Variants in ANKRD36B observed in about 807,000 individuals in gnomAD.
ANKRD36B encodes the protein ankyrin repeat domain 36B.
A neutral mutation model predicts 135.7 loss-of-function variants in ANKRD36B; 37 were observed. The ratio of observed to expected loss-of-function variants is 0.27; its 90% CI spans 0.21 to 0.36. The LOEUF (loss-of-function observed/expected upper bound fraction) is 0.36. Ranked by LOEUF, ANKRD36B falls within the 10% of genes least tolerant of loss-of-function variation. The pLI is 1.00. For synonymous variants in ANKRD36B, 179 were observed against 348.1 expected (o/e 0.51, Z 5.41); for missense variants, 549 against 1,037.1 (o/e 0.53, Z 6.46).
At chr2:97,568,804 A>G (rs1250819360) in intron 6 of ANKRD36B, among the ~76,000 whole-genome samples, 1 of 152,164 alleles carries the variant, frequency 6.6e-6, no homozygotes, top group Non-Finnish European at 1.5e-5. Context: ...AACAACAACA[A>G]CAACAACAAA....
intron 1 of ANKRD36B, among the ~76,000 whole-genome samples, chr2:97,586,511 G>A (rs1339865913): frequency 6.6e-6 from 1 of 152,108 alleles, no homozygotes; most frequent in African/African-American, 2.4e-5. Context: ...GTTGTTAAGG[G>A]TGGAAGAGTC....
intron 29 of ANKRD36B, 41 bp from the exon 30 acceptor site, chr2:97,540,147 T>C: frequency 3.2e-6 from 3 of 944,928 alleles, no homozygotes; most frequent in Non-Finnish European, 4.8e-6. Flanking sequence ...AAATAAAGTA[T>C]GTTTCATAGA....
Position 97,534,125 on chromosome 2 carries a change from T to C in ANKRD36B, c.2192-1741A>G, listed in dbSNP as rs1576859444. Among the ~76,000 whole-genome samples, 2 of 95,256 alleles carry C rather than the reference T, an allele frequency of 2.1e-5. 1 individual carries two copies. The highest frequency in any genetic ancestry group is 4.7e-4 in the South Asian group (2 of 4,232). 62.5% of individuals were successfully genotyped at this position (95,256 alleles called of 152,430 possible). A position where few individuals can be genotyped will look rare whatever the true frequency, so the allele number is the denominator to read the frequency against. On this transcript the variant is annotated intron_variant, in intron 34 of 43. Transcript: ENST00000359901. ...AATTGTCAAAAATGAAAAAATTAAATTTCCACAGACATTAATAACATTTTA... is the reference window on the plus strand; with the variant it reads ...AATTGTCAAAAATGAAAAAATTAAACTTCCACAGACATTAATAACATTTTA...
At chr2:97,546,626 T>C (rs1248232547) in intron 22 of ANKRD36B, among the ~76,000 whole-genome samples, 8 of 151,876 alleles carry the variant, frequency 5.3e-5, no homozygotes, top group African/African-American at 1.7e-4. Context: ...TAATCAGTTT[T>C]TCATTCAGAA....
At chr2:97,558,015 C>T (rs2080683391) in intron 10 of ANKRD36B, among the ~76,000 whole-genome samples, 1 of 151,836 alleles carries the variant, frequency 6.6e-6, no homozygotes, top group Admixed American at 6.6e-5. Flanking sequence ...ATGTTATTCT[C>T]TAAAGCATTT....
chr2:97,526,426 C>A (rs1187949740), intron 35 of ANKRD36B, among the ~76,000 whole-genome samples: 1 of 96,092 alleles, frequency 1.0e-5, no homozygotes, highest in Non-Finnish European at 2.8e-5. Flanking sequence ...TCAAAGACCA[C>A]AAGTAGATAA....
intron 1 of ANKRD36B, among the ~76,000 whole-genome samples, chr2:97,585,955 TCTC>T (rs2082950046): frequency 6.6e-6 from 1 of 152,212 alleles, no homozygotes; most frequent in South Asian, 2.1e-4. Context: ...TATATTAACA[TCTC>T]CTGACATTGG....
chr2:97,526,951 G>A (rs572305200), intron 35 of ANKRD36B, among the ~76,000 whole-genome samples: 1 of 96,710 alleles, frequency 1.0e-5, no homozygotes, highest in African/African-American at 3.1e-5. Context: ...AAGTCACGGG[G>A]AGAATGGAAC....
intron 6 of ANKRD36B, among the ~76,000 whole-genome samples, chr2:97,568,142 G>A: frequency 6.6e-6 from 1 of 151,548 alleles, no homozygotes; most frequent in Non-Finnish European, 1.5e-5. Context: ...TTTTATTATA[G>A]ATATATATGT....
At chr2:97,535,304 G>C (rs78732343) in intron 34 of ANKRD36B, among the ~76,000 whole-genome samples, 47,768 of 97,216 alleles carry the variant, frequency 0.49, 20,003 homozygotes, top group African/African-American at 0.86. Context: ...TACATTTTAG[G>C]ATTACTGAGG....
intron 4 of ANKRD36B, 129 bp from the exon 5 acceptor site, chr2:97,579,172 T>C (rs908264003): frequency 3.1e-5 from 37 of 1,199,208 alleles, no homozygotes; most frequent in South Asian, 1.5e-4. Flanking sequence ...GAAACAAGCA[T>C]CTTGGGTGCT....
intron 1 of ANKRD36B, among the ~76,000 whole-genome samples, chr2:97,588,294 C>T (rs2083167907): frequency 6.6e-6 from 1 of 151,940 alleles, no homozygotes; most frequent in Non-Finnish European, 1.5e-5. Context: ...TATGAAATGT[C>T]ACCATTATCC....
intron 2 of ANKRD36B, 28 bp downstream of exon 2, chr2:97,585,256 C>T (rs2082897837): frequency 1.3e-6 from 2 of 1,583,432 alleles, no homozygotes; most frequent in South Asian, 1.1e-5. Flanking sequence ...AAATCCATCT[C>T]ATGCTCAAAG....
intron 6 of ANKRD36B, among the ~76,000 whole-genome samples, chr2:97,561,142 G>C (rs940423148): frequency 7.9e-5 from 12 of 151,838 alleles, no homozygotes; most frequent in South Asian, 6.2e-4. Context: ...TATCAATGTG[G>C]ATATGCTGAG....
intron 3 of ANKRD36B, among the ~76,000 whole-genome samples, chr2:97,581,698 A>C (rs1206931975): frequency 6.6e-6 from 1 of 152,206 alleles, no homozygotes; most frequent in Non-Finnish European, 1.5e-5. Flanking sequence ...AATATCAATC[A>C]GAAATAAAAA....
At chr2:97,569,364 A>G (rs1436902413) in intron 6 of ANKRD36B, among the ~76,000 whole-genome samples, 1 of 152,218 alleles carries the variant, frequency 6.6e-6, no homozygotes, top group African/African-American at 2.4e-5. Flanking sequence ...ACTATGCTGG[A>G]CATATCAAAA....
intron 6 of ANKRD36B, among the ~76,000 whole-genome samples, chr2:97,562,525 ACTTCTG>A (rs1334386105): frequency 6.6e-6 from 1 of 151,976 alleles, no homozygotes; most frequent in African/African-American, 2.4e-5. Context: ...CATCCTTGTA[ACTTCTG>A]CTTCTGCTTT....
rs1246356606 is a variant in ANKRD36B at position 97,549,429 on chromosome 2, T to G, written c.1467A>C (p.Lys489Asn). ...TGTTTTCAAAATTACCTGTCCTAGA[T>G]TTTTCTCCATCCTTTTTTTCTCTGG... ...NIAREKKDGE[K>N]SRTVSFEQPP... Residue 489 changes from lysine to asparagine, a missense_variant, in exon 20 of 44, where the codon AAA (lysine) becomes AAC (asparagine). Physicochemically the swap from Lys to Asn is moderately conservative, Grantham distance 94. Transcript: ENST00000359901. The G allele has an allele frequency of 1.3e-6, 2 of 1,566,968 alleles. No individual in the cohort carries two copies. The highest frequency in any genetic ancestry group is 8.6e-7 in the Non-Finnish European group (1 of 1,156,324).
chr2:97,562,114 G>A (rs980915169), intron 6 of ANKRD36B, among the ~76,000 whole-genome samples: 6 of 151,688 alleles, frequency 4.0e-5, no homozygotes, highest in South Asian at 2.1e-4. Flanking sequence ...CTGTCTCTTC[G>A]TCCACTTTTG....
Sources: gnomAD v4.1 joint callset for allele counts (sites outside exome capture counted in the v4.1 genomes callset) on GRCh38, gnomAD v4.1.1 for gene constraint, MANE v1.5 for transcripts, NCBI Gene and HGNC (gene_info 2026-07-23, HGNC 2026-07-21) for gene names.